Variants in SETD2 observed in about 807,000 individuals in gnomAD.
The protein encoded by SETD2 is histone-lysine N-methyltransferase SETD2.
In SETD2, 31 loss-of-function variants were observed where a neutral mutation model predicts 242.1. The ratio of observed to expected loss-of-function variants is 0.13; its 90% confidence interval spans 0.10 to 0.17. The LOEUF (loss-of-function observed/expected upper bound fraction) is 0.17. Among genes scored for constraint, SETD2 ranks in the 10% least tolerant of loss-of-function variants. SETD2 has a pLI of 1.00. For synonymous variants in SETD2, 1,006 were observed against 1,066.5 expected (o/e 0.94, Z 1.11); for missense variants, 2,481 against 3,046.3 (o/e 0.81, Z 4.37).
intron 15 of SETD2, among the ~76,000 whole-genome samples, chr3:47,055,704 T>G (rs1444256568): frequency 6.7e-6 from 1 of 149,382 alleles, no homozygotes; most frequent in African/African-American, 2.5e-5. Flanking sequence ...TAAAATAAAA[T>G]AAAAAATAAA....
At chr3:47,080,878 C>T (rs892790396) in intron 12 of SETD2, 16 of 986,768 alleles carry the variant, frequency 1.6e-5, no homozygotes, top group African/African-American at 3.5e-5. Context: ...AAAATAACGC[C>T]GGCGCCAGTG....
At chr3:47,079,146 T>C (rs1332600854) in intron 12 of SETD2, among the ~76,000 whole-genome samples, 2 of 152,238 alleles carry the variant, frequency 1.3e-5, no homozygotes. Context: ...ATGTACAGAA[T>C]GCTGTTCTTG....
At chr3:47,129,735 A>G (rs1205639820) in intron 1 of SETD2, among the ~76,000 whole-genome samples, 1 of 152,196 alleles carries the variant, frequency 6.6e-6, no homozygotes, top group East Asian at 1.9e-4. Context: ...AAATACAAAA[A>G]TTAGCCAGGC....
intron 8 of SETD2, among the ~76,000 whole-genome samples, chr3:47,099,620 T>TTA (rs1239984624): frequency 1.3e-5 from 2 of 152,230 alleles, no homozygotes. Context: ...TTTATCTTTT[T>TTA]GTTTTCTGAG....
intron 1 of SETD2, among the ~76,000 whole-genome samples, chr3:47,137,238 G>A (rs2043608622): frequency 6.6e-6 from 1 of 151,664 alleles, no homozygotes; most frequent in Non-Finnish European, 1.5e-5. Flanking sequence ...CTGTCGCCAG[G>A]CTGGATTGCA....
chr3:47,049,505 TGGG>T (rs1167550597), intron 15 of SETD2, among the ~76,000 whole-genome samples: 2 of 146,648 alleles, frequency 1.4e-5, no homozygotes, highest in African/African-American at 4.9e-5. Context: ...CCCGAGTAGC[TGGG>T]ACTACAGGTG....
At chr3:47,105,111 A>G (rs1337171069) in intron 6 of SETD2, among the ~76,000 whole-genome samples, 1 of 152,042 alleles carries the variant, frequency 6.6e-6, no homozygotes, top group Non-Finnish European at 1.5e-5. Context: ...TAACCTATAT[A>G]AGCAAAAGCA....
intron 17 of SETD2, 21 bp downstream of exon 17, chr3:47,042,540 C>T (rs149793103): frequency 6.8e-6 from 11 of 1,613,050 alleles, no homozygotes; most frequent in Middle Eastern, 1.7e-4. Context: ...GACATGGGAA[C>T]GCCCATACAG....
chr3:47,162,342 A>T (rs1697513942), intron 1 of SETD2, among the ~76,000 whole-genome samples: 1 of 152,200 alleles, frequency 6.6e-6, no homozygotes, highest in African/African-American at 2.4e-5. Context: ...AATTGGACTG[A>T]TGGTGCAGTA....
intron 12 of SETD2, among the ~76,000 whole-genome samples, chr3:47,075,777 C>T (rs60579303): frequency 0.068 from 10,365 of 152,106 alleles, 1,181 homozygotes; most frequent in African/African-American, 0.23. Flanking sequence ...TTTGATTCCA[C>T]TTTACAGCTG....
At chr3:47,097,693 T>C (rs928680273) in intron 9 of SETD2, among the ~76,000 whole-genome samples, 9 of 152,246 alleles carry the variant, frequency 5.9e-5, no homozygotes, top group Non-Finnish European at 1.3e-4. Context: ...AGATATGTTT[T>C]ACTTGTACTT....
At chr3:47,037,251 G>T in intron 18 of SETD2, among the ~76,000 whole-genome samples, 1 of 148,778 alleles carries the variant, frequency 6.7e-6, no homozygotes, top group African/African-American at 2.5e-5. Context: ...TTTAGCATTA[G>T]GTATATCTCC....
chr3:47,083,318 C>A (rs2107636342), intron 12 of SETD2, among the ~76,000 whole-genome samples: 1 of 152,252 alleles, frequency 6.6e-6, no homozygotes, highest in South Asian at 2.1e-4. Context: ...TAGTAAGCTG[C>A]TAAATTATCT....
rs1365344824 is a variant in SETD2 at position 47,016,661 on chromosome 3, C to CA, written c.*431dup. On this transcript the variant is annotated 3_prime_UTR_variant, in exon 21 of 21. Coordinates refer to ENST00000409792, the MANE Select transcript of SETD2 (RefSeq NM_014159.7). ...GATCCTAGCATGTAGAGGCTAAAAG[C>CA]AAAACGAAAACCAAACAAAAACCAG... The CA allele has an allele frequency of 1.7e-5, 4 of 236,178 alleles. No individual in the cohort carries two copies. The highest frequency in any genetic ancestry group is 3.3e-5 in the Non-Finnish European group (4 of 119,874). 14.6% of individuals were successfully genotyped at this position (236,178 alleles called of 1,614,324 possible). A position where few individuals can be genotyped will look rare whatever the true frequency, so the allele number is the denominator to read the frequency against.
At chr3:47,066,808 G>A (rs1158872280) in intron 13 of SETD2, among the ~76,000 whole-genome samples, 1 of 151,988 alleles carries the variant, frequency 6.6e-6, no homozygotes, top group Non-Finnish European at 1.5e-5. Flanking sequence ...CTGCTCTAGA[G>A]GACAAACGAA....
At chr3:47,133,200 CTG>C (rs1290267483) in intron 1 of SETD2, among the ~76,000 whole-genome samples, 2 of 151,950 alleles carry the variant, frequency 1.3e-5, no homozygotes, top group African/African-American at 4.8e-5. Flanking sequence ...TAGGAAATCT[CTG>C]TGTTTTAAAA....
At chr3:47,163,769 C>A (rs1160763293) in intron 1 of SETD2, 85 bp downstream of exon 1, 11 of 1,219,408 alleles carry the variant, frequency 9.0e-6, no homozygotes, top group Non-Finnish European at 1.0e-5. Context: ...CGCGCCGGCC[C>A]GCGCCGCCAC....
chr3:47,071,739 C>T (rs1226117202), intron 12 of SETD2, among the ~76,000 whole-genome samples: 1 of 151,674 alleles, frequency 6.6e-6, no homozygotes, highest in East Asian at 1.9e-4. Flanking sequence ...TAGTATGTTC[C>T]ATATAGTATG....
At chr3:47,120,032 T>C (rs2043010075) in intron 3 of SETD2, 150 bp downstream of exon 3, 2 of 684,002 alleles carry the variant, frequency 2.9e-6, no homozygotes, top group African/African-American at 1.8e-5. Flanking sequence ...CAAATCTAAA[T>C]AGGTAAAAAC....
Sources: allele counts gnomAD v4.1 joint callset (sites outside exome capture counted in the v4.1 genomes callset), GRCh38; gene constraint gnomAD v4.1.1; transcripts MANE v1.5; gene names NCBI Gene and HGNC (gene_info 2026-07-23, HGNC 2026-07-21).